The following STX18 variants were observed in gnomAD, a reference collection of about 807,000 sequenced individuals.
STX18 encodes the protein syntaxin-18.
STX18 carries 40 observed loss-of-function variants against 50.1 expected under a neutral mutation model. That is an observed-to-expected ratio of 0.80 (90% confidence interval 0.62 to 1.04). The LOEUF (loss-of-function observed/expected upper bound fraction) is 1.04, where lower values mean the gene tolerates loss of function less well. Among genes scored for constraint, STX18 ranks in the 50% least tolerant of loss-of-function variants. The pLI, the probability that STX18 is intolerant of heterozygous loss-of-function variation, is 0.00. For missense variants in STX18, 410 were observed against 415.8 expected (o/e 0.99, Z 0.12); for synonymous variants, 158 against 151.8 (o/e 1.04, Z -0.30).
At chr4:4,452,499 T>C (rs941682817) in intron 5 of STX18, among the ~76,000 whole-genome samples, 5 of 152,208 alleles carry the variant, frequency 3.3e-5, no homozygotes, top group Non-Finnish European at 5.9e-5. Context: ...TAAGGGCTAA[T>C]GCAGCAGATG....
At chr4:4,452,553 T>C (rs1726813754) in intron 5 of STX18, among the ~76,000 whole-genome samples, 1 of 152,154 alleles carries the variant, frequency 6.6e-6, no homozygotes, top group South Asian at 2.1e-4. Context: ...CCAAAAATCT[T>C]GGGCATGGTG....
intron 5 of STX18, among the ~76,000 whole-genome samples, chr4:4,442,473 C>A (rs1293496796): frequency 6.6e-6 from 1 of 152,016 alleles, no homozygotes; most frequent in Non-Finnish European, 1.5e-5. Context: ...AAAAATTAGC[C>A]GGGCGTGGTG....
rs768668149 is a variant in STX18 at position 4,434,861 on chromosome 4, G to GT, written c.614-4dup. ...TTGTGTTTCAGCCAAAATTTTTTCT[G>GT]TTAAAAAAAAAATTGAAAATAGAAG... On this transcript the variant is annotated splice_polypyrimidine_tract_variant and splice_region_variant and intron_variant, in intron 6 of 10. Transcript: ENST00000306200. 8 of 1,592,282 alleles carry GT rather than the reference G, an allele frequency of 5.0e-6. No individual in the cohort carries two copies. The highest frequency in any genetic ancestry group is 5.1e-6 in the Non-Finnish European group (6 of 1,173,040).
intron 2 of STX18, among the ~76,000 whole-genome samples, chr4:4,464,889 A>AT (rs1727545892): frequency 2.0e-5 from 3 of 147,582 alleles, no homozygotes; most frequent in Non-Finnish European, 3.0e-5. Context: ...GGATTCATTG[A>AT]TTTTTTCGAA....
In STX18 at chr4:4,420,667, C is replaced by T. The variant is rs1724892643; in HGVS notation, c.912+197G>A. On this transcript the variant is annotated intron_variant, in intron 10 of 10. Coordinates refer to ENST00000306200, the MANE Select transcript of STX18 (RefSeq NM_016930.4). This position sits in a 1 kb window ranked among gnomAD's most constrained non-coding sequence, Gnocchi z 4.3. ...TTTGGAGGCTGGTGAGCCACTGCCT[C>T]TCGAAAGCAGCTGGAGGTGGGCGAC... is the stretch of plus-strand genomic sequence containing the variant. 1 of 581,320 alleles carries T rather than the reference C, an allele frequency of 1.7e-6. No individual in the cohort carries two copies. Among genetic ancestry groups the T allele is most frequent in the Non-Finnish European group, 3.0e-6 (1 of 329,040 alleles). The allele number at this position is 581,320 out of a possible 1,614,324, so 36.0% of individuals were successfully genotyped here. A position where few individuals can be genotyped will look rare whatever the true frequency, so the allele number is the denominator to read the frequency against.
chr4:4,488,391 GC>G (rs781672074), intron 1 of STX18, among the ~76,000 whole-genome samples: 1 of 152,160 alleles, frequency 6.6e-6, no homozygotes, highest in Non-Finnish European at 1.5e-5. Context: ...CTATAGAAGT[GC>G]GAAAACTACA....
chr4:4,534,716 G>T (rs1034414649), intron 1 of STX18, among the ~76,000 whole-genome samples: 1 of 152,198 alleles, frequency 6.6e-6, no homozygotes, highest in Non-Finnish European at 1.5e-5. Context: ...TGCTAACAAC[G>T]CTCTCATCTA....
In STX18 at chr4:4,459,370, A is replaced by C. The variant is rs760396837; in HGVS notation, c.352+2T>G. Reference sequence around the variant, plus strand: ...TTGTTTGCATCTTTCAGAGCACTTTACCTTCTGTTCGTAGTTGCTGAATTG... The same window carrying C: ...TTGTTTGCATCTTTCAGAGCACTTTCCCTTCTGTTCGTAGTTGCTGAATTG... On this transcript the variant is annotated splice_donor_variant, in intron 3 of 10. Transcript: ENST00000306200. LOFTEE classifies it high-confidence loss of function. 2 of 1,610,344 alleles carry C rather than the reference A, an allele frequency of 1.2e-6. No individual in the cohort carries two copies. Among genetic ancestry groups the C allele is most frequent in the Non-Finnish European group, 1.7e-6 (2 of 1,176,866 alleles).
chr4:4,467,532 C>T (rs1293409715), intron 2 of STX18, among the ~76,000 whole-genome samples: 2 of 152,174 alleles, frequency 1.3e-5, no homozygotes, highest in Non-Finnish European at 2.9e-5. Context: ...GCAAGGATTC[C>T]ATGGCCAGCC....
chr4:4,456,510 A>G (rs11730650), intron 5 of STX18, among the ~76,000 whole-genome samples: 123,318 of 152,204 alleles, frequency 0.81, 50,710 homozygotes, highest in East Asian at 0.96. Flanking sequence ...GGCGCCATGG[A>G]AAATACAGGA....
intron 1 of STX18, among the ~76,000 whole-genome samples, chr4:4,473,934 C>T (rs988698897): frequency 4.6e-5 from 7 of 152,150 alleles, no homozygotes; most frequent in South Asian, 2.1e-4. Flanking sequence ...GTCTAAACAA[C>T]GGGAAAAAGT....
intron 5 of STX18, among the ~76,000 whole-genome samples, chr4:4,445,258 C>T (rs9993049): frequency 0.7 from 106,728 of 151,796 alleles, 38,910 homozygotes; most frequent in African/African-American, 0.92. Context: ...ATACAAAAAT[C>T]AGCCGGGCAT....
intron 1 of STX18, among the ~76,000 whole-genome samples, chr4:4,472,890 T>C (rs531401322): frequency 1.3e-5 from 2 of 152,346 alleles, no homozygotes; most frequent in Admixed American, 6.5e-5. Context: ...CCACATAGTC[T>C]AGACTCTTAT....
intron 1 of STX18, among the ~76,000 whole-genome samples, chr4:4,514,483 C>T (rs541515883): frequency 6.6e-6 from 1 of 152,184 alleles, no homozygotes; most frequent in Non-Finnish European, 1.5e-5. Flanking sequence ...TTTCTACTAA[C>T]TTTTAAAAAT....
At chr4:4,460,159 T>C (rs1727303251) in intron 2 of STX18, among the ~76,000 whole-genome samples, 1 of 152,224 alleles carries the variant, frequency 6.6e-6, no homozygotes, top group Non-Finnish European at 1.5e-5. Flanking sequence ...TTTTCTTGCC[T>C]GTCTCTCCCC....
chr4:4,518,893 G>C (rs1195546899), intron 1 of STX18, among the ~76,000 whole-genome samples: 2 of 152,080 alleles, frequency 1.3e-5, no homozygotes, highest in African/African-American at 4.8e-5. Flanking sequence ...AGAAACAAAA[G>C]AAAGCCTGGA....
At chr4:4,476,218 A>G (rs1728168017) in intron 1 of STX18, 1 of 152,198 alleles carries the variant, frequency 6.6e-6, no homozygotes, top group African/African-American at 2.4e-5. Context: ...TCTCCATCAG[A>G]GAGGAAGGGT....
intron 2 of STX18, among the ~76,000 whole-genome samples, chr4:4,466,209 G>T (rs1727611841): frequency 6.6e-6 from 1 of 152,178 alleles, no homozygotes; most frequent in African/African-American, 2.4e-5. Flanking sequence ...CGAGAAGGTG[G>T]TGGTGATAAA....
At chr4:4,537,906 C>CAAAT (rs1731414618) in intron 1 of STX18, among the ~76,000 whole-genome samples, 1 of 152,110 alleles carries the variant, frequency 6.6e-6, no homozygotes, top group Admixed American at 6.5e-5. Flanking sequence ...AGAAACCAAA[C>CAAAT]AAATTCTGGT....
Sources: allele counts gnomAD v4.1 joint callset (sites outside exome capture counted in the v4.1 genomes callset), GRCh38; gene constraint gnomAD v4.1.1; non-coding constraint Gnocchi (gnomAD v3.1); transcripts MANE v1.5; gene names NCBI Gene and HGNC (gene_info 2026-07-23, HGNC 2026-07-21).